The following KDM5A variants were observed in gnomAD, a reference collection of about 807,000 sequenced individuals.
KDM5A encodes the protein lysine demethylase 5A, also known as lysine-specific demethylase 5A.
A neutral mutation model predicts 193.5 loss-of-function variants in KDM5A; 42 were observed. That is an observed-to-expected ratio of 0.22 (90% CI 0.17 to 0.28). KDM5A has a LOEUF of 0.28. KDM5A is among the 10% of genes least tolerant of loss of function. The pLI is 1.00. For missense variants in KDM5A, 1,692 were observed against 2,055.1 expected, an observed-to-expected ratio of 0.82 and a Z score of 3.42; for synonymous variants, 796 against 718.1, an observed-to-expected ratio of 1.11 and a Z score of -1.73.
intron 10 of KDM5A, among the ~76,000 whole-genome samples, chr12:336,358 T>TAAA (rs61128182): frequency 5.5e-5 from 4 of 72,538 alleles, no homozygotes; most frequent in Non-Finnish European, 1.0e-4. Context: ...CCTGTCTCAC[T>TAAA]AAAAAAAAAA....
chr12:318,569 C>A, intron 18 of KDM5A, 108 bp from the exon 19 acceptor site: 1 of 765,934 alleles, frequency 1.3e-6, no homozygotes, highest in East Asian at 2.6e-5. Context: ...CTCTTATAAT[C>A]TCACCATCAT....
In KDM5A at chr12:283,867, C is replaced by T. The variant is rs1254751222; in HGVS notation, c.*1589G>A. On this transcript the variant is annotated 3_prime_UTR_variant, in exon 28 of 28. Transcript: ENST00000399788. ...TCCCCTTCTAATAAGAGTTTACATA[C>T]AGCTTACCTAATACCTTAAGAAGAA... 3 of 232,176 alleles carry T rather than the reference C, an allele frequency of 1.3e-5. No individual in the cohort carries two copies. The highest frequency in any genetic ancestry group is 2.5e-5 in the Non-Finnish European group (3 of 117,682). The allele number at this position is 232,176 out of a possible 1,614,324, so 14.4% of individuals were successfully genotyped here. A position where few individuals can be genotyped will look rare whatever the true frequency, so the allele number is the denominator to read the frequency against.
chr12:350,279 T>C (rs145161181), intron 10 of KDM5A, among the ~76,000 whole-genome samples: 2 of 151,060 alleles, frequency 1.3e-5, no homozygotes, highest in East Asian at 3.9e-4. Flanking sequence ...TCTACAAAAA[T>C]ACAAAAATTA....
At chr12:352,630 G>C (rs1944177757) in intron 8 of KDM5A, among the ~76,000 whole-genome samples, 1 of 152,172 alleles carries the variant, frequency 6.6e-6, no homozygotes. Flanking sequence ...TCATGCCTAG[G>C]GATGCCTAAC....
intron 3 of KDM5A, among the ~76,000 whole-genome samples, chr12:376,515 C>T (rs1367216959): frequency 2.0e-5 from 3 of 152,190 alleles, no homozygotes. Flanking sequence ...ATTCCCTGAC[C>T]CCTTGCACTT....
chr12:322,236 G>T, intron 17 of KDM5A, 181 bp downstream of exon 17: 1 of 625,928 alleles, frequency 1.6e-6, no homozygotes, highest in South Asian at 1.9e-5. Context: ...GAACACTGCA[G>T]GCTGGAGCAA....
intron 1 of KDM5A, chr12:387,387 C>T (rs1373904420): frequency 4.9e-6 from 1 of 204,014 alleles, no homozygotes; most frequent in South Asian, 6.0e-5. Context: ...TCAAAGTAAC[C>T]GTGAATAGAA....
At chr12:359,917 A>G (rs1303821363) in intron 5 of KDM5A, among the ~76,000 whole-genome samples, 1 of 152,108 alleles carries the variant, frequency 6.6e-6, no homozygotes, top group Non-Finnish European at 1.5e-5. Flanking sequence ...TGAATTTGGC[A>G]TAACCATGCT....
intron 19 of KDM5A, among the ~76,000 whole-genome samples, chr12:315,945 T>C (rs958185501): frequency 6.6e-5 from 10 of 152,146 alleles, no homozygotes; most frequent in African/African-American, 2.4e-4. Context: ...TTACTCAGTA[T>C]AAAGAAGGCA....
At chr12:326,927 C>G (rs1186977796) in intron 14 of KDM5A, among the ~76,000 whole-genome samples, 1 of 148,668 alleles carries the variant, frequency 6.7e-6, no homozygotes, top group Non-Finnish European at 1.5e-5. Flanking sequence ...TACAGTGTGT[C>G]ACTGGTGAAC....
intron 1 of KDM5A, 47 bp from the exon 2 acceptor site, chr12:386,021 G>C (rs1484097629): frequency 7.0e-7 from 1 of 1,424,188 alleles, no homozygotes; most frequent in Admixed American, 1.7e-5. Flanking sequence ...ATGTAAACAA[G>C]GAATGCATTA....
At chr12:296,238 C>G in intron 25 of KDM5A, among the ~76,000 whole-genome samples, 1 of 150,958 alleles carries the variant, frequency 6.6e-6, no homozygotes, top group East Asian at 2.0e-4. Context: ...AGGACAATCT[C>G]TTGAACTAGG....
intron 24 of KDM5A, among the ~76,000 whole-genome samples, chr12:297,564 A>C (rs1363073712): frequency 6.6e-6 from 1 of 152,208 alleles, no homozygotes; most frequent in Non-Finnish European, 1.5e-5. Context: ...AAGCCTGATA[A>C]AGTTATGAAG....
intron 10 of KDM5A, among the ~76,000 whole-genome samples, chr12:343,005 G>T (rs959380339): frequency 3.3e-5 from 5 of 152,172 alleles, no homozygotes; most frequent in African/African-American, 1.2e-4. Flanking sequence ...GGGGTCAGAG[G>T]ATTTCCCTTT....
chr12:323,905 A>G, intron 14 of KDM5A, 124 bp from the exon 15 acceptor site: 1 of 776,572 alleles, frequency 1.3e-6, no homozygotes, highest in Non-Finnish European at 2.2e-6. Flanking sequence ...TGAAAGGTAC[A>G]ATGGCACAAC....
chr12:330,054 AGTGT>A lies in KDM5A; in HGVS notation c.1774-1029_1774-1026del, dbSNP rs148451707. Among the ~76,000 whole-genome samples the A allele has an allele frequency of 6.0e-4, 86 of 142,330 alleles. No individual in the cohort carries two copies. The Middle Eastern group carries it at 0.014, about 24-fold the overall frequency. 93.4% of individuals were successfully genotyped at this position (142,330 alleles called of 152,430 possible). ...AAAGAAAAAACTTTCCAAAGGAAAA[AGTGT>A]GTGTGTGTGTGTGTGTGTGTGTGTG... On this transcript the variant is annotated intron_variant, in intron 13 of 27. Transcript: ENST00000399788.
intron 7 of KDM5A, 83 bp downstream of exon 7, chr12:355,075 A>G (rs1304205716): frequency 1.1e-4 from 91 of 844,852 alleles, no homozygotes; most frequent in Non-Finnish European, 1.7e-5. Context: ...AACTAAACAC[A>G]TACCATGATA....
intron 9 of KDM5A, 27 bp from the exon 10 acceptor site, chr12:350,806 A>G: frequency 6.2e-7 from 1 of 1,600,560 alleles, no homozygotes; most frequent in Non-Finnish European, 8.6e-7. Flanking sequence ...AAGATGACAA[A>G]TTATTAAACC....
chr12:378,280 T>C (rs920732947), intron 3 of KDM5A, among the ~76,000 whole-genome samples: 1 of 152,148 alleles, frequency 6.6e-6, no homozygotes, highest in Non-Finnish European at 1.5e-5. Context: ...GCCCCCTTTT[T>C]TTTTTAAAGA....
Sources: gnomAD v4.1 joint callset for allele counts (sites outside exome capture counted in the v4.1 genomes callset) on GRCh38, gnomAD v4.1.1 for gene constraint, MANE v1.5 for transcripts, NCBI Gene and HGNC (gene_info 2026-07-23, HGNC 2026-07-21) for gene names.